The following SHQ1 variants were observed in gnomAD, a reference collection of about 807,000 sequenced individuals.
SHQ1 encodes the protein protein SHQ1 homolog.
In SHQ1, 49 loss-of-function variants were observed where a neutral mutation model predicts 53.8. The observed-to-expected ratio is 0.91, with a 90% CI of 0.72 to 1.16. SHQ1 has a LOEUF of 1.16. Among genes scored for constraint, SHQ1 ranks in the 50% most tolerant of loss-of-function variants. SHQ1 has a pLI of 0.00. For synonymous variants in SHQ1, 243 were observed against 251.0 expected (o/e 0.97, Z 0.30); for missense variants, 738 against 683.1 (o/e 1.08, Z -0.90).
intron 9 of SHQ1, among the ~76,000 whole-genome samples, chr3:72,803,739 G>C (rs774416695): frequency 5.3e-5 from 8 of 152,262 alleles, no homozygotes; most frequent in Admixed American, 2.6e-4. Context: ...ATATGTAAGT[G>C]AATGAGCCTG....
the SHQ1 span, among the ~76,000 whole-genome samples, chr3:72,738,948 C>T: frequency 6.6e-6 from 1 of 152,222 alleles, no homozygotes; most frequent in Non-Finnish European, 1.5e-5. Context: ...GCTAGTTCAG[C>T]CAGGAGGCCC....
intron 10 of SHQ1, among the ~76,000 whole-genome samples, chr3:72,788,127 G>A (rs899008277): frequency 4.0e-5 from 6 of 151,842 alleles, no homozygotes; most frequent in South Asian, 2.1e-4. Context: ...GCCTCTGCCC[G>A]GCCGCCACCC....
chr3:72,805,918 C>T (rs553076248), intron 9 of SHQ1, among the ~76,000 whole-genome samples: 5 of 152,208 alleles, frequency 3.3e-5, no homozygotes, highest in African/African-American at 1.2e-4. Context: ...ACAAATGTAA[C>T]CCAGAAATTA....
intron 5 of SHQ1, among the ~76,000 whole-genome samples, chr3:72,827,674 CTAA>C (rs1466049204): frequency 2.0e-5 from 3 of 150,926 alleles, no homozygotes; most frequent in Non-Finnish European, 2.9e-5. Flanking sequence ...CTGACGGTGA[CTAA>C]TGTTTTACTT....
At chr3:72,810,785 C>T (rs1044568993) in intron 9 of SHQ1, among the ~76,000 whole-genome samples, 8 of 152,166 alleles carry the variant, frequency 5.3e-5, no homozygotes, top group East Asian at 1.9e-4. Context: ...GTCATCTCTA[C>T]AGCTTCTGGC....
At position 72,752,388 on chromosome 3, in the gene SHQ1, C is replaced by T. The variant is rs116118847; in HGVS notation, c.1182-1552G>A. On this transcript the variant is annotated intron_variant, in intron 10 of 10. Transcript: ENST00000325599. Reference sequence around the variant, plus strand: ...GGGATGACACAGGATGATGGCGTGACGGAGCCTTTTCACTGCCTATTGTTT... The same window carrying T: ...GGGATGACACAGGATGATGGCGTGATGGAGCCTTTTCACTGCCTATTGTTT... 5.5e-3 allele frequency among the ~76,000 whole-genome samples: 838 copies of T among 152,234 alleles called. 10 individuals are homozygous for T. The highest frequency in any genetic ancestry group is 0.02 in the Middle Eastern group (6 of 294).
chr3:72,749,718 G>A lies in SHQ1; in HGVS notation c.*566C>T, dbSNP rs893938171. On this transcript the variant is annotated 3_prime_UTR_variant, in exon 11 of 11. Transcript: ENST00000325599. Reference sequence around the variant, plus strand: ...GATGGGCTCTACATTCTGGAGACACGGGCAGTAGAACTATTATTTTCAGCT... The same window carrying A: ...GATGGGCTCTACATTCTGGAGACACAGGCAGTAGAACTATTATTTTCAGCT... 3.2e-5 allele frequency: 7 copies of A among 216,312 alleles called. No individual in the cohort carries two copies. Among genetic ancestry groups the A allele is most frequent in the African/African-American group, 1.6e-4 (7 of 44,344 alleles). The allele number at this position is 216,312 out of a possible 1,614,324, so 13.4% of individuals were successfully genotyped here. A position where few individuals can be genotyped will look rare whatever the true frequency, so the allele number is the denominator to read the frequency against.
chr3:72,797,741 C>A, intron 9 of SHQ1, among the ~76,000 whole-genome samples: 1 of 152,186 alleles, frequency 6.6e-6, no homozygotes, highest in East Asian at 1.9e-4. Flanking sequence ...TTGCAGTTGA[C>A]AATCTAGAAT....
chr3:72,807,881 G>C (rs1426100114), intron 9 of SHQ1, among the ~76,000 whole-genome samples: 1 of 152,102 alleles, frequency 6.6e-6, no homozygotes, highest in Non-Finnish European at 1.5e-5. Flanking sequence ...TGATAAGTAA[G>C]GGCTATTAAT....
chr3:72,752,176 G>C (rs1190284556), intron 10 of SHQ1, among the ~76,000 whole-genome samples: 1 of 152,150 alleles, frequency 6.6e-6, no homozygotes, highest in Non-Finnish European at 1.5e-5. Context: ...GGCCAATCCA[G>C]ACTTACTGCT....
At chr3:72,788,806 A>G (rs1003881245) in intron 10 of SHQ1, among the ~76,000 whole-genome samples, 2 of 152,180 alleles carry the variant, frequency 1.3e-5, no homozygotes, top group African/African-American at 4.8e-5. Context: ...TGAAACATGT[A>G]CTGTGTCCAC....
chr3:72,732,934 G>A, the SHQ1 span, among the ~76,000 whole-genome samples: 1 of 151,636 alleles, frequency 6.6e-6, no homozygotes, highest in African/African-American at 2.4e-5. Context: ...GGGTTTGTCG[G>A]GGAATAATTC....
intron 9 of SHQ1, among the ~76,000 whole-genome samples, chr3:72,800,631 T>G (rs1345126969): frequency 6.6e-6 from 1 of 152,230 alleles, no homozygotes; most frequent in Non-Finnish European, 1.5e-5. Flanking sequence ...GTCCAGCAAA[T>G]TGTATGATCC....
At chr3:72,756,084 A>C (rs1705492022) in intron 10 of SHQ1, among the ~76,000 whole-genome samples, 1 of 151,820 alleles carries the variant, frequency 6.6e-6, no homozygotes, top group Non-Finnish European at 1.5e-5. Flanking sequence ...TTTTTTGTAA[A>C]GACAGGTTCT....
At chr3:72,763,282 A>C (rs1023643343) in intron 10 of SHQ1, among the ~76,000 whole-genome samples, 2 of 152,248 alleles carry the variant, frequency 1.3e-5, no homozygotes, top group African/African-American at 4.8e-5. Context: ...ATTTGGGCAC[A>C]TAAGACTTGA....
At chr3:72,815,788 G>GT (rs1707293740) in intron 7 of SHQ1, among the ~76,000 whole-genome samples, 1 of 152,122 alleles carries the variant, frequency 6.6e-6, no homozygotes, top group African/African-American at 2.4e-5. Context: ...TAATGTTGAA[G>GT]TATTACCTGT....
At chr3:72,773,104 C>T (rs1434419107) in intron 10 of SHQ1, 29 of 785,146 alleles carry the variant, frequency 3.7e-5, no homozygotes, top group Non-Finnish European at 5.4e-5. Context: ...ACAGGCCAAA[C>T]TTCGTGAAAT....
At chr3:72,749,178 A>G (rs559180365), downstream of SHQ1, 31 of 188,240 alleles carry the variant, frequency 1.6e-4, no homozygotes, top group Middle Eastern at 1.9e-3. Flanking sequence ...ACAGTTCAGC[A>G]TTTTCTTAAA....
intron 10 of SHQ1, among the ~76,000 whole-genome samples, chr3:72,766,398 G>A (rs1483723739): frequency 1.3e-5 from 2 of 152,082 alleles, no homozygotes; most frequent in Non-Finnish European, 2.9e-5. Flanking sequence ...ACCCTCATCT[G>A]CTGCCCAAGT....
Sources: gnomAD v4.1 joint callset for allele counts (sites outside exome capture counted in the v4.1 genomes callset) on GRCh38, gnomAD v4.1.1 for gene constraint, MANE v1.5 for transcripts, NCBI Gene and HGNC (gene_info 2026-07-23, HGNC 2026-07-21) for gene names.